Variants in SLC25A21 observed in about 807,000 individuals in gnomAD.
SLC25A21 encodes solute carrier family 25 member 21, also known as mitochondrial 2-oxodicarboxylate carrier.
In SLC25A21, 47 loss-of-function variants were observed where a neutral mutation model predicts 43.8. The ratio of observed to expected loss-of-function variants is 1.07; its 90% CI spans 0.85 to 1.37. The LOEUF is 1.37. Among genes scored for constraint, SLC25A21 ranks in the 40% most tolerant of loss-of-function variants. The pLI, the probability that SLC25A21 is intolerant of heterozygous loss-of-function variation, is 0.00. For missense variants in SLC25A21, 352 were observed against 350.2 expected, an observed-to-expected ratio of 1.00 and a Z score of -0.04; for synonymous variants, 131 against 121.3, an observed-to-expected ratio of 1.08 and a Z score of -0.52.
intron 3 of SLC25A21, among the ~76,000 whole-genome samples, chr14:36,780,981 T>C (rs771538059): frequency 1.3e-5 from 2 of 152,130 alleles, no homozygotes; most frequent in Non-Finnish European, 2.9e-5. Flanking sequence ...TTTGTCAATA[T>C]TTACTTTATG....
chr14:37,162,126 G>A (rs1339673985), intron 1 of SLC25A21, among the ~76,000 whole-genome samples: 1 of 152,076 alleles, frequency 6.6e-6, no homozygotes, highest in South Asian at 2.1e-4. Flanking sequence ...GAGAGGTGTG[G>A]GTCAGATTCT....
At chr14:36,902,463 AC>A (rs1891422524) in intron 1 of SLC25A21, among the ~76,000 whole-genome samples, 3 of 150,540 alleles carry the variant, frequency 2.0e-5, no homozygotes, top group African/African-American at 7.3e-5. Flanking sequence ...ACACACACAC[AC>A]GAACTCTGAA....
intron 1 of SLC25A21, among the ~76,000 whole-genome samples, chr14:37,144,019 T>C (rs1963617393): frequency 6.6e-6 from 1 of 152,098 alleles, no homozygotes; most frequent in Non-Finnish European, 1.5e-5. Context: ...TGCAGTGACT[T>C]GGTGGGAAGC....
intron 1 of SLC25A21, among the ~76,000 whole-genome samples, chr14:36,984,598 C>T (rs1960104060): frequency 6.6e-6 from 1 of 151,856 alleles, no homozygotes; most frequent in Non-Finnish European, 1.5e-5. Flanking sequence ...ATATCTAAAA[C>T]CTTTGTAGGT....
At chr14:37,110,897 C>T (rs1329055913) in intron 1 of SLC25A21, among the ~76,000 whole-genome samples, 2 of 151,908 alleles carry the variant, frequency 1.3e-5, no homozygotes, top group African/African-American at 2.4e-5. Flanking sequence ...TATGCCAAAC[C>T]TTATTCTATC....
chr14:36,695,618 G>T (rs1371228622), intron 7 of SLC25A21, among the ~76,000 whole-genome samples: 2 of 152,060 alleles, frequency 1.3e-5, no homozygotes, highest in Admixed American at 6.6e-5. Context: ...CCTTGAAGAG[G>T]TCCTTCACAT....
At chr14:37,051,181 A>G (rs1961696012) in intron 1 of SLC25A21, among the ~76,000 whole-genome samples, 1 of 152,234 alleles carries the variant, frequency 6.6e-6, no homozygotes, top group Non-Finnish European at 1.5e-5. Context: ...AAGTCTAAGC[A>G]CCGCATAAAT....
chr14:36,803,640 T>G (rs1887942695), intron 3 of SLC25A21, among the ~76,000 whole-genome samples: 1 of 152,220 alleles, frequency 6.6e-6, no homozygotes, highest in Admixed American at 6.5e-5. Flanking sequence ...CTATGTTAGA[T>G]TTTTTGGTAT....
At chr14:36,697,751 C>CTTTTTTTTTTTTTTTTTTTT (rs1883096336) in intron 7 of SLC25A21, among the ~76,000 whole-genome samples, 5 of 73,952 alleles carry the variant, frequency 6.8e-5, no homozygotes, top group East Asian at 7.5e-4. Context: ...TTTTTTTTTG[C>CTTTTTTTTTTTTTTTTTTTT]TTTCCATTTG....
intron 3 of SLC25A21, among the ~76,000 whole-genome samples, chr14:36,749,388 C>A (rs1245788545): frequency 6.6e-6 from 1 of 152,172 alleles, no homozygotes; most frequent in Non-Finnish European, 1.5e-5. Context: ...TGTCTACTAT[C>A]CTGGTGTAAG....
intron 2 of SLC25A21, among the ~76,000 whole-genome samples, chr14:36,825,791 G>A (rs1285951950): frequency 6.6e-6 from 1 of 152,092 alleles, no homozygotes; most frequent in Admixed American, 6.6e-5. Flanking sequence ...TTTTAAAATG[G>A]GACCCAAGTT....
At chr14:36,953,575 G>C (rs1190448440) in intron 1 of SLC25A21, among the ~76,000 whole-genome samples, 1 of 152,164 alleles carries the variant, frequency 6.6e-6, no homozygotes, top group Non-Finnish European at 1.5e-5. Flanking sequence ...AAAATTCTTA[G>C]ATAATTTTCT....
At chr14:36,888,843 T>C (rs1037491411) in intron 1 of SLC25A21, among the ~76,000 whole-genome samples, 2 of 152,150 alleles carry the variant, frequency 1.3e-5, no homozygotes, top group Non-Finnish European at 1.5e-5. Context: ...AAAAAGAAAA[T>C]GAAATTGTAA....
chr14:36,683,306 G>C (rs1034517458), intron 9 of SLC25A21, among the ~76,000 whole-genome samples: 31 of 152,206 alleles, frequency 2.0e-4, no homozygotes, highest in Admixed American at 8.5e-4. Context: ...GCGTCATGCT[G>C]ACAAAGCCCA....
chr14:36,935,220 T>TC (rs1018761065), intron 1 of SLC25A21, among the ~76,000 whole-genome samples: 1 of 152,096 alleles, frequency 6.6e-6, no homozygotes, highest in African/African-American at 2.4e-5. Context: ...TCCTTAATGT[T>TC]CCCCAGGAAT....
intron 1 of SLC25A21, among the ~76,000 whole-genome samples, chr14:37,157,961 T>A (rs1183458330): frequency 6.6e-6 from 1 of 152,086 alleles, no homozygotes; most frequent in Non-Finnish European, 1.5e-5. Flanking sequence ...AATAACTAAA[T>A]GGTGACAAAT....
intron 1 of SLC25A21, among the ~76,000 whole-genome samples, chr14:36,945,076 C>T (rs76414183): frequency 0.015 from 2,226 of 152,192 alleles, 39 homozygotes; most frequent in Middle Eastern, 0.034. Context: ...AACCTCTTTC[C>T]CCTGACTCAG....
intron 3 of SLC25A21, among the ~76,000 whole-genome samples, chr14:36,763,491 T>G (rs1886242932): frequency 6.6e-6 from 1 of 152,184 alleles, no homozygotes; most frequent in South Asian, 2.1e-4. Context: ...CTCTGCCTCT[T>G]AATCACTCTG....
chr14:36,717,721 T>C (rs1346223641), intron 6 of SLC25A21, among the ~76,000 whole-genome samples: 2 of 152,252 alleles, frequency 1.3e-5, no homozygotes, highest in Non-Finnish European at 2.9e-5. Flanking sequence ...AGCTTCTTAA[T>C]TATCTAGATT....
Sources: gnomAD v4.1 joint callset for allele counts (sites outside exome capture counted in the v4.1 genomes callset) on GRCh38, gnomAD v4.1.1 for gene constraint, MANE v1.5 for transcripts, NCBI Gene and HGNC (gene_info 2026-07-23, HGNC 2026-07-21) for gene names.